DPY19L2: variants seen among roughly 807,000 people sequenced by gnomAD.
DPY19L2 encodes dpy-19 like 2, also known as probable C-mannosyltransferase DPY19L2.
Under a neutral mutation model 97.9 loss-of-function variants are expected in DPY19L2, and 34 were observed. The observed-to-expected ratio is 0.35, with a 90% CI of 0.26 to 0.46. DPY19L2 has a LOEUF of 0.46. Ranked by LOEUF, DPY19L2 falls within the 20% of genes least tolerant of loss-of-function variation. The pLI, the probability that DPY19L2 is intolerant of heterozygous loss-of-function variation, is 1.00. For synonymous variants in DPY19L2, 230 were observed against 307.9 expected (o/e 0.75, Z 2.65); for missense variants, 623 against 911.4 (o/e 0.68, Z 4.07).
At chr12:63,657,953 G>A (rs12309882) in intron 4 of DPY19L2, among the ~76,000 whole-genome samples, 1 of 152,146 alleles carries the variant, frequency 6.6e-6, no homozygotes, top group Admixed American at 6.5e-5. Context: ...GCTTTCTGCA[G>A]GCACCTGTCC....
At chr12:63,573,120 CA>C (rs1188125436) in intron 19 of DPY19L2, among the ~76,000 whole-genome samples, 1 of 151,988 alleles carries the variant, frequency 6.6e-6, no homozygotes, top group Non-Finnish European at 1.5e-5. Context: ...ACTAGGGGGC[CA>C]ATCCTGGACA....
At chr12:63,647,931 A>G (rs1273517578) in intron 4 of DPY19L2, among the ~76,000 whole-genome samples, 1 of 152,180 alleles carries the variant, frequency 6.6e-6, no homozygotes, top group East Asian at 1.9e-4. Context: ...CAGAAATGCC[A>G]ATGGGCACTG....
intron 4 of DPY19L2, among the ~76,000 whole-genome samples, chr12:63,660,204 T>C (rs1478082624): frequency 1.3e-5 from 2 of 152,040 alleles, no homozygotes; most frequent in Non-Finnish European, 2.9e-5. Flanking sequence ...ATTGCACATA[T>C]ACAGAAGGAA....
intron 21 of DPY19L2, among the ~76,000 whole-genome samples, chr12:63,563,007 G>A (rs981485647): frequency 1.3e-5 from 2 of 152,052 alleles, no homozygotes; most frequent in African/African-American, 4.8e-5. Flanking sequence ...ATGTTGGCCA[G>A]GCTGATCTCG....
intron 4 of DPY19L2, among the ~76,000 whole-genome samples, chr12:63,655,291 G>T (rs994187068): frequency 2.0e-5 from 3 of 152,130 alleles, no homozygotes; most frequent in Non-Finnish European, 4.4e-5. Flanking sequence ...GTGTAAGAAT[G>T]AGTAAAATAA....
chr12:63,641,447 G>A (rs887645826), intron 6 of DPY19L2, among the ~76,000 whole-genome samples: 34 of 151,908 alleles, frequency 2.2e-4, no homozygotes, highest in African/African-American at 7.5e-4. Context: ...TCCAAGATAA[G>A]AATCAGCTAC....
chr12:63,650,150 G>A (rs1592728379), intron 4 of DPY19L2, among the ~76,000 whole-genome samples: 1 of 152,026 alleles, frequency 6.6e-6, no homozygotes, highest in African/African-American at 2.4e-5. Context: ...CAACAAAGTA[G>A]GCATTGAAGG....
chr12:63,621,764 CTG>C (rs1489094713), intron 8 of DPY19L2, among the ~76,000 whole-genome samples: 1 of 151,950 alleles, frequency 6.6e-6, no homozygotes, highest in African/African-American at 2.4e-5. Context: ...AATATAAGTG[CTG>C]ACAAAGTAAT....
chr12:63,604,760 C>T (rs1048046745), intron 12 of DPY19L2, among the ~76,000 whole-genome samples: 22 of 152,068 alleles, frequency 1.4e-4, no homozygotes, highest in African/African-American at 5.3e-4. Context: ...GTAATTAAAA[C>T]TGCTCATTGA....
chr12:63,643,286 C>A (rs1892957795), intron 6 of DPY19L2, among the ~76,000 whole-genome samples: 2 of 151,462 alleles, frequency 1.3e-5, no homozygotes, highest in Non-Finnish European at 2.9e-5. Context: ...GGATAGTATT[C>A]CTGGCACAAC....
In DPY19L2 at chr12:63,624,061, C is replaced by A. The variant is rs780818533; in HGVS notation, c.932G>T (p.Cys311Phe). ...FSYPFLVLQM[C>F]ILTLILRTSS... ...TTACCTGAGAATCAAAGTTAAAATACACATCTGAAGTACAAGGAAAGGATA... is the reference window on the plus strand; with the variant it reads ...TTACCTGAGAATCAAAGTTAAAATAAACATCTGAAGTACAAGGAAAGGATA... The change falls in exon 8 of 22, where the codon TGT becomes TTT. Residue 311 changes from cysteine to phenylalanine, a missense_variant. Physicochemically the swap from Cys to Phe is radical, Grantham distance 205. Around this residue, in one of 6 missense-constraint regions of DPY19L2, gnomAD observed 67 missense variants for 88.0 expected, o/e 0.76. Transcript: ENST00000324472. The A allele has an allele frequency of 3.0e-5, 49 of 1,610,402 alleles. No individual in the cohort carries two copies. Among genetic ancestry groups the A allele is most frequent in the Non-Finnish European group, 3.9e-5 (46 of 1,178,664 alleles).
intron 6 of DPY19L2, among the ~76,000 whole-genome samples, chr12:63,628,822 G>A (rs1890059428): frequency 6.6e-6 from 1 of 151,016 alleles, no homozygotes; most frequent in Non-Finnish European, 1.5e-5. Context: ...CCCCCAGTAG[G>A]GGCAGACTGA....
At chr12:63,590,284 T>C (rs1882673307) in intron 16 of DPY19L2, among the ~76,000 whole-genome samples, 1 of 152,252 alleles carries the variant, frequency 6.6e-6, no homozygotes, top group South Asian at 2.1e-4. Flanking sequence ...AATTAAAAGC[T>C]TGATAACGAT....
chr12:63,561,137 A>G (rs576787252), intron 21 of DPY19L2, among the ~76,000 whole-genome samples: 3 of 152,274 alleles, frequency 2.0e-5, no homozygotes, highest in Admixed American at 1.3e-4. Flanking sequence ...GTTTTCTTCA[A>G]TGCTTTCCCA....
At chr12:63,629,598 C>A (rs1176693186) in intron 6 of DPY19L2, among the ~76,000 whole-genome samples, 1 of 152,108 alleles carries the variant, frequency 6.6e-6, no homozygotes, top group Admixed American at 6.6e-5. Flanking sequence ...GATTGGTGTA[C>A]CTGAAAGTGA....
intron 2 of DPY19L2, among the ~76,000 whole-genome samples, chr12:63,664,631 T>C (rs1002130435): frequency 1.3e-4 from 20 of 152,290 alleles, no homozygotes; most frequent in Middle Eastern, 6.8e-3. Flanking sequence ...AGGTGTGTAC[T>C]TGAAGACCTT....
At chr12:63,627,565 G>A (rs1889782930) in intron 6 of DPY19L2, among the ~76,000 whole-genome samples, 1 of 152,062 alleles carries the variant, frequency 6.6e-6, no homozygotes, top group Non-Finnish European at 1.5e-5. Flanking sequence ...GGCCAGGCTG[G>A]TCTCAAACTC....
chr12:63,602,450 AAAAG>A (rs1168810285), intron 12 of DPY19L2, among the ~76,000 whole-genome samples: 3 of 152,152 alleles, frequency 2.0e-5, no homozygotes, highest in African/African-American at 7.2e-5. Flanking sequence ...GAGTGCCTGA[AAAAG>A]AAAACCACAG....
chr12:63,594,464 A>AGAGTGTGTGTGTGTGTGTGTGT (rs1555189197), intron 15 of DPY19L2, among the ~76,000 whole-genome samples: 2,319 of 124,862 alleles, frequency 0.019, 106 homozygotes, highest in Middle Eastern at 0.031. Flanking sequence ...AGAGAGAGAT[A>AGAGTGTGTGTGTGTGTGTGTGT]GTGTGTGTGT....
Sources: gnomAD v4.1 joint callset for allele counts (sites outside exome capture counted in the v4.1 genomes callset) on GRCh38, gnomAD v4.1.1 for gene constraint, gnomAD v4.1.1 regional missense constraint, MANE v1.5 for transcripts, NCBI Gene and HGNC (gene_info 2026-07-23, HGNC 2026-07-21) for gene names.